The following MTCL2 variants were observed in gnomAD, a reference collection of about 807,000 sequenced individuals.
The protein encoded by MTCL2 is microtubule crosslinking factor 2.
chr20:36,833,588 C>T, the MTCL2 span, among the ~76,000 whole-genome samples: 1 of 152,208 alleles, frequency 6.6e-6, no homozygotes, highest in South Asian at 2.1e-4. Context: ...GTGGCTGACG[C>T]CTGTAATTCC....
chr20:36,816,058 G>A, the MTCL2 span: 19 of 1,613,412 alleles, frequency 1.2e-5, no homozygotes, highest in Admixed American at 1.8e-4. Flanking sequence ...ACGATGCGGC[G>A]GCTCAGCAGG....
At chr20:36,812,981 A>G in the MTCL2 span, 1 of 1,063,718 alleles carries the variant, frequency 9.4e-7, no homozygotes, top group Non-Finnish European at 1.3e-6. Flanking sequence ...GGACCCTGGT[A>G]GATTCACCTC....
the MTCL2 span, among the ~76,000 whole-genome samples, chr20:36,842,653 T>G: frequency 3.3e-5 from 5 of 152,086 alleles, no homozygotes; most frequent in Admixed American, 1.3e-4. Flanking sequence ...GCACCTGTAA[T>G]CCCAGCTACT....
the MTCL2 span, chr20:36,815,488 C>A: frequency 6.3e-7 from 1 of 1,589,558 alleles, no homozygotes; most frequent in Non-Finnish European, 8.6e-7. This position sits in a 1 kb window ranked among gnomAD's most constrained non-coding sequence, Gnocchi z 5.3. Context: ...CCAGGCAGCA[C>A]CTCGGCCTCC....
chr20:36,800,553 C>T, the MTCL2 span, among the ~76,000 whole-genome samples: 1 of 152,206 alleles, frequency 6.6e-6, no homozygotes, highest in Admixed American at 6.5e-5. Flanking sequence ...AGATTCTGGT[C>T]CTCTCCCTTA....
the MTCL2 span, chr20:36,863,095 C>A: frequency 2.9e-6 from 4 of 1,400,670 alleles, no homozygotes; most frequent in South Asian, 1.4e-5. The surrounding 1 kb of genome is among the most constrained non-coding windows in gnomAD (Gnocchi z 6.2). Flanking sequence ...CGCACACCCG[C>A]ACCGCGCGCC....
the MTCL2 span, among the ~76,000 whole-genome samples, chr20:36,856,843 T>G: frequency 6.6e-6 from 1 of 150,722 alleles, no homozygotes; most frequent in Admixed American, 6.6e-5. Context: ...TCACAGCGTG[T>G]GTGTGTGTGT....
chr20:36,792,857 T>TAGACAGAC, the MTCL2 span, among the ~76,000 whole-genome samples: 65 of 137,596 alleles, frequency 4.7e-4, 1 homozygote, highest in African/African-American at 8.7e-4. Context: ...GATAGATAGA[T>TAGACAGAC]AGACAGACAG....
At chr20:36,794,762 G>T in the MTCL2 span, 2 of 855,024 alleles carry the variant, frequency 2.3e-6, no homozygotes, top group Non-Finnish European at 3.6e-6. This position sits in a 1 kb window ranked among gnomAD's most constrained non-coding sequence, Gnocchi z 5.4. Flanking sequence ...CATTCTGTCT[G>T]CATTTTCTTT....
At chr20:36,835,315 G>T in the MTCL2 span, among the ~76,000 whole-genome samples, 1 of 152,106 alleles carries the variant, frequency 6.6e-6, no homozygotes, top group Non-Finnish European at 1.5e-5. Context: ...GGTTGGGGGG[G>T]GGCACTGAGG....
chr20:36,849,603 T>C, the MTCL2 span, among the ~76,000 whole-genome samples: 1 of 152,036 alleles, frequency 6.6e-6, no homozygotes, highest in Non-Finnish European at 1.5e-5. Context: ...CCTGGCTGAA[T>C]GTTGTATTTT....
the MTCL2 span, chr20:36,794,093 G>A: frequency 4.9e-5 from 76 of 1,551,320 alleles, no homozygotes; most frequent in Non-Finnish European, 5.8e-5. The surrounding 1 kb of genome is among the most constrained non-coding windows in gnomAD (Gnocchi z 5.4). Context: ...ATGCAGGGCC[G>A]CTGGGAAGCC....
chr20:36,783,045 C>T, the MTCL2 span: 1 of 151,668 alleles, frequency 6.6e-6, no homozygotes, highest in Non-Finnish European at 1.5e-5. Flanking sequence ...GGTGATGAAA[C>T]CATAAAAGTG....
At chr20:36,781,377 A>G in the MTCL2 span, 1 of 152,122 alleles carries the variant, frequency 6.6e-6, no homozygotes, top group East Asian at 1.9e-4. Flanking sequence ...CTCTACTAAA[A>G]ATAAAAAAAT....
At chr20:36,850,528 C>CA in the MTCL2 span, among the ~76,000 whole-genome samples, 1,865 of 136,582 alleles carry the variant, frequency 0.014, 10 homozygotes, top group Middle Eastern at 0.041. Context: ...TGTGTTTGAC[C>CA]AAAAAAAAAA....
At chr20:36,820,852 A>AC in the MTCL2 span, among the ~76,000 whole-genome samples, 2 of 152,158 alleles carry the variant, frequency 1.3e-5, no homozygotes, top group Non-Finnish European at 2.9e-5. Flanking sequence ...AAAAAAAAAA[A>AC]AGAGTTTAAA....
chr20:36,798,770 A>G, the MTCL2 span, among the ~76,000 whole-genome samples: 1 of 151,864 alleles, frequency 6.6e-6, no homozygotes, highest in East Asian at 1.9e-4. Context: ...CCCCATCCTG[A>G]CTCCATCCGT....
the MTCL2 span, among the ~76,000 whole-genome samples, chr20:36,860,781 C>T: frequency 6.6e-6 from 1 of 152,254 alleles, no homozygotes; most frequent in East Asian, 1.9e-4. Context: ...AAGATCACGC[C>T]GTCAGGAAGC....
chr20:36,849,626 G>A, the MTCL2 span, among the ~76,000 whole-genome samples: 2 of 152,074 alleles, frequency 1.3e-5, no homozygotes, highest in Non-Finnish European at 2.9e-5. Flanking sequence ...GTAGAGAGGG[G>A]GTCTTGCTTT....
Sources: allele counts gnomAD v4.1 joint callset (sites outside exome capture counted in the v4.1 genomes callset), GRCh38; gene constraint gnomAD v4.1.1; non-coding constraint Gnocchi (gnomAD v3.1); transcripts MANE v1.5; gene names NCBI Gene and HGNC (gene_info 2026-07-23, HGNC 2026-07-21).